SLC25A21: variants seen among roughly 807,000 people sequenced by gnomAD.
The protein encoded by SLC25A21 is solute carrier family 25 member 21, also known as mitochondrial 2-oxodicarboxylate carrier.
A neutral mutation model predicts 43.8 loss-of-function variants in SLC25A21; 47 were observed. The ratio of observed to expected loss-of-function variants is 1.07; its 90% CI spans 0.85 to 1.37. SLC25A21 has a LOEUF of 1.37. SLC25A21 is among the 40% of genes most tolerant of loss of function. The pLI, the probability that SLC25A21 is intolerant of heterozygous loss-of-function variation, is 0.00. For missense variants in SLC25A21, 352 were observed against 350.2 expected (o/e 1.00, Z -0.04); for synonymous variants, 131 against 121.3 (o/e 1.08, Z -0.52).
rs751332495 is a variant in SLC25A21 at position 36,741,345 on chromosome 14, AC to A, written c.204-6773del. 2.6e-5 allele frequency among the ~76,000 whole-genome samples: 4 copies of A among 152,192 alleles called. No homozygotes were observed. The South Asian group carries it at 6.2e-4, about 24-fold the overall frequency. On this transcript the variant is annotated intron_variant, in intron 3 of 9. Transcript: ENST00000331299. The stretch of plus-strand genomic sequence containing the variant: ...AAACAGTGTAGCTGCTTCACAACTG[AC>A]TTTTAGAAAGAGTCAACCTTGTTGT...
At chr14:36,792,082 A>G (rs2138402201) in intron 3 of SLC25A21, among the ~76,000 whole-genome samples, 1 of 152,276 alleles carries the variant, frequency 6.6e-6, no homozygotes, top group African/African-American at 2.4e-5. Context: ...TTTTTAGTGT[A>G]ACTAGATAAA....
Position 36,679,689 on chromosome 14 carries a change from TA to T in SLC25A21, c.*968del. 1.0e-6 allele frequency: 1 copy of T among 985,400 alleles called. No individual in the cohort carries two copies. The highest frequency in any genetic ancestry group is 1.2e-6 in the Non-Finnish European group (1 of 829,888). 61.0% of individuals were successfully genotyped at this position (985,400 alleles called of 1,614,324 possible). ...CCCACCTGAAGTTGTCGTTTAAAAC[TA>T]ATAACCTGAAAATGCAGTTCTGTTC... On this transcript the variant is annotated 3_prime_UTR_variant, in exon 10 of 10. Coordinates refer to ENST00000331299, the MANE Select transcript of SLC25A21 (RefSeq NM_030631.4).
rs1377970507 is a variant in SLC25A21, at chr14:36,705,323, G to A, written c.603+5995C>T. 2.0e-5 allele frequency among the ~76,000 whole-genome samples: 3 copies of A among 152,226 alleles called. No homozygotes were observed. In the East Asian group the frequency reaches 5.8e-4, roughly 29 times the overall value. ...GCCTCCCAAAGTGCTGGGATTACAG[G>A]TGTGAGCCACTGCGTCCGGCGGCTT... On this transcript the variant is annotated intron_variant, in intron 7 of 9. Transcript: ENST00000331299.
Position 36,776,230 on chromosome 14 carries a change from C to CTTTTTTTTTTTTTTTTTTTTTTTTTTTT in SLC25A21, c.203+37687_203+37688insAAAAAAAAAAAAAAAAAAAAAAAAAAAA, listed in dbSNP as rs1328087696. On this transcript the variant is annotated intron_variant, in intron 3 of 9. Coordinates refer to ENST00000331299, the MANE Select transcript of SLC25A21 (RefSeq NM_030631.4). ...ACTGCTTTCTTTTTTCTTTTTCTTT[C>CTTTTTTTTTTTTTTTTTTTTTTTTTTTT]TTTCTTTCTTTTTTTTTTTTTTTTG... Among the ~76,000 whole-genome samples the CTTTTTTTTTTTTTTTTTTTTTTTTTTTT allele has an allele frequency of 2.7e-4, 19 of 70,832 alleles. 4 individuals are homozygous for CTTTTTTTTTTTTTTTTTTTTTTTTTTTT. The highest frequency in any genetic ancestry group is 6.7e-3 in the Middle Eastern group (1 of 150). 46.5% of individuals were successfully genotyped at this position (70,832 alleles called of 152,430 possible).
chr14:37,015,147 C>G (rs1054133252), intron 1 of SLC25A21, among the ~76,000 whole-genome samples: 3 of 151,446 alleles, frequency 2.0e-5, no homozygotes, highest in Non-Finnish European at 2.9e-5. Context: ...TCCATTAACT[C>G]GTCACTTAGC....
chr14:37,014,879 A>G lies in SLC25A21; in HGVS notation c.71-139875T>C, dbSNP rs78047831. On this transcript the variant is annotated intron_variant, in intron 1 of 9. Coordinates refer to ENST00000331299, the MANE Select transcript of SLC25A21 (RefSeq NM_030631.4). ...TTAAGGCTCTTGAGTGACCAGGTGCATTGTCAATGAGCAATAATATTTGGA... is the reference window on the plus strand; with the variant it reads ...TTAAGGCTCTTGAGTGACCAGGTGCGTTGTCAATGAGCAATAATATTTGGA... 4.6e-5 allele frequency among the ~76,000 whole-genome samples: 7 copies of G among 152,252 alleles called. No homozygotes were observed. In the East Asian group the frequency reaches 1.4e-3, roughly 29 times the overall value.
intron 7 of SLC25A21, among the ~76,000 whole-genome samples, chr14:36,699,223 C>T (rs1883173278): frequency 3.3e-5 from 5 of 152,004 alleles, no homozygotes; most frequent in African/African-American, 1.2e-4. Context: ...TGGAGGTCCA[C>T]TCCAGACCCT....
At chr14:36,726,450 A>AAAGAAGAAGAAGAAG (rs1170846750) in intron 5 of SLC25A21, among the ~76,000 whole-genome samples, 1 of 152,048 alleles carries the variant, frequency 6.6e-6, no homozygotes, top group Non-Finnish European at 1.5e-5. Flanking sequence ...ATAAAAAAAA[A>AAAGAAGAAGAAGAAG]AAGAAGAAGA....
chr14:37,010,809 A>T (rs1021879684), intron 1 of SLC25A21, among the ~76,000 whole-genome samples: 20 of 152,020 alleles, frequency 1.3e-4, no homozygotes, highest in African/African-American at 4.3e-4. Context: ...CAGTGGTGTA[A>T]TGAGAGATCA....
chr14:36,882,439 G>A (rs1053580117), intron 1 of SLC25A21, among the ~76,000 whole-genome samples: 3 of 152,088 alleles, frequency 2.0e-5, no homozygotes, highest in African/African-American at 4.8e-5. Flanking sequence ...ACTGCTCCCC[G>A]ATTCCCCAGC....
At chr14:36,834,398 C>G (rs997605385) in intron 2 of SLC25A21, among the ~76,000 whole-genome samples, 3 of 152,162 alleles carry the variant, frequency 2.0e-5, no homozygotes, top group Non-Finnish European at 4.4e-5. Flanking sequence ...TGCCACCTAC[C>G]TACTGCATGA....
At chr14:37,115,213 C>G (rs1963086048) in intron 1 of SLC25A21, among the ~76,000 whole-genome samples, 1 of 152,172 alleles carries the variant, frequency 6.6e-6, no homozygotes, top group Non-Finnish European at 1.5e-5. Flanking sequence ...TCTTTACACA[C>G]CATAATGAAG....
intron 2 of SLC25A21, among the ~76,000 whole-genome samples, chr14:36,822,557 T>G (rs1054679616): frequency 6.6e-6 from 1 of 152,216 alleles, no homozygotes; most frequent in Non-Finnish European, 1.5e-5. Flanking sequence ...ATAAAACAGT[T>G]TATAATTTGA....
chr14:36,759,041 G>T (rs1299096901), intron 3 of SLC25A21, among the ~76,000 whole-genome samples: 2 of 152,170 alleles, frequency 1.3e-5, no homozygotes, highest in African/African-American at 4.8e-5. Flanking sequence ...GCTCTGAGAT[G>T]AAACCCTGAG....
intron 1 of SLC25A21, among the ~76,000 whole-genome samples, chr14:36,893,575 T>C (rs1891148285): frequency 6.6e-6 from 1 of 152,266 alleles, no homozygotes; most frequent in African/African-American, 2.4e-5. Flanking sequence ...ATTTTGGCTT[T>C]TGTTGCTGTT....
rs199830406 is a variant in SLC25A21 at position 37,036,450 on chromosome 14, TA to T, written c.70+135830del. The stretch of plus-strand genomic sequence containing the variant: ...GCGCAACATGTTACATTTTCTGAGT[TA>T]AAAAAAAAATTCCTGGCTGGGTGCG... On this transcript the variant is annotated intron_variant, in intron 1 of 9. Coordinates refer to ENST00000331299, the MANE Select transcript of SLC25A21 (RefSeq NM_030631.4). 2.4e-3 allele frequency among the ~76,000 whole-genome samples: 357 copies of T among 150,382 alleles called. 2 individuals are homozygous for T. Among genetic ancestry groups the T allele is most frequent in the African/African-American group, 7.9e-3 (325 of 41,078 alleles).
chr14:37,043,944 T>TG (rs1961532666), intron 1 of SLC25A21, among the ~76,000 whole-genome samples: 1 of 150,364 alleles, frequency 6.7e-6, no homozygotes, highest in Non-Finnish European at 1.5e-5. Context: ...TTTTTTGTTT[T>TG]TTTTTTTTTT....
intron 5 of SLC25A21, among the ~76,000 whole-genome samples, chr14:36,728,969 C>T (rs1301048780): frequency 6.6e-6 from 1 of 152,152 alleles, no homozygotes; most frequent in Non-Finnish European, 1.5e-5. Context: ...TTCAAATCAC[C>T]AAGTGAATTT....
At chr14:37,167,214 C>A (rs957403024) in intron 1 of SLC25A21, among the ~76,000 whole-genome samples, 1 of 152,120 alleles carries the variant, frequency 6.6e-6, no homozygotes, top group South Asian at 2.1e-4. Context: ...GCAGTGAAAA[C>A]CAAGAAAGAT....
Sources: allele counts gnomAD v4.1 joint callset (sites outside exome capture counted in the v4.1 genomes callset), GRCh38; gene constraint gnomAD v4.1.1; transcripts MANE v1.5; gene names NCBI Gene and HGNC (gene_info 2026-07-23, HGNC 2026-07-21).